The following DDHD1 variants were observed in gnomAD, a reference collection of about 807,000 sequenced individuals.
DDHD1 encodes the protein DDHD domain containing 1.
Under a neutral mutation model 96.4 loss-of-function variants are expected in DDHD1, and 49 were observed. The ratio of observed to expected loss-of-function variants is 0.51; its 90% CI spans 0.40 to 0.64. The LOEUF (loss-of-function observed/expected upper bound fraction) is 0.64, where lower values mean the gene tolerates loss of function less well. Ranked by LOEUF, DDHD1 falls within the 30% of genes least tolerant of loss-of-function variation. The probability of loss-of-function intolerance (pLI) is 0.00; values close to 1 mark genes in which losing one functional copy is unlikely to be tolerated. For synonymous variants in DDHD1, 442 were observed against 446.5 expected, an observed-to-expected ratio of 0.99 and a Z score of 0.13; for missense variants, 1,106 against 1,161.2, an observed-to-expected ratio of 0.95 and a Z score of 0.69.
intron 4 of DDHD1, among the ~76,000 whole-genome samples, chr14:53,088,439 A>T (rs1398343393): frequency 2.0e-5 from 3 of 152,200 alleles, no homozygotes; most frequent in Non-Finnish European, 4.4e-5. Context: ...CTGGCAAACC[A>T]AATCCAGCAG....
At chr14:53,150,133 G>T (rs1338347191) in intron 1 of DDHD1, 1 of 152,220 alleles carries the variant, frequency 6.6e-6, no homozygotes, top group Non-Finnish European at 1.5e-5. Flanking sequence ...ATGTGTCACA[G>T]TGCCTGCAGG....
chr14:53,055,741 G>A lies in DDHD1; in HGVS notation c.2164C>T (p.Pro722Ser), dbSNP rs902956553. The A allele has an allele frequency of 1.2e-6, 2 of 1,613,976 alleles. No homozygotes were observed. The highest frequency in any genetic ancestry group is 2.7e-5 in the African/African-American group (2 of 74,904). ...VSENEGISTI[P>S]SPVTSPVLSR... The stretch of plus-strand genomic sequence containing the variant: ...AAAACTGGTGAGGTCACAGGGCTTG[G>A]TATGGTTGAAATGCCTTCATTCTCT... The change falls in exon 10 of 13, where the codon CCA becomes TCA. Residue 722 changes from proline to serine, a missense_variant. Coordinates refer to ENST00000673822, the MANE Select transcript of DDHD1 (RefSeq NM_001160148.2).
chr14:53,088,628 T>A (rs995556202), intron 4 of DDHD1, among the ~76,000 whole-genome samples: 4 of 152,204 alleles, frequency 2.6e-5, no homozygotes, highest in Non-Finnish European at 4.4e-5. Context: ...CAGCACTTCA[T>A]GCTAAAAACT....
rs1208946029 is a variant in DDHD1 at position 53,040,984 on chromosome 14, A to G, written c.*5784T>C. 6.6e-6 allele frequency: 1 copy of G among 151,906 alleles called. No homozygotes were observed. The highest frequency in any genetic ancestry group is 2.4e-5 in the African/African-American group (1 of 41,342). The allele number at this position is 151,906 out of a possible 1,614,324, so 9.4% of individuals were successfully genotyped here. On this transcript the variant is annotated 3_prime_UTR_variant, in exon 13 of 13. Transcript: ENST00000673822. ...GATTATGGCAGCCTTAGAACCAGAA[A>G]ATGGTTATAATTTTTTGTCATGAAG...
At chr14:53,064,015 T>C (rs1342475879) in intron 6 of DDHD1, among the ~76,000 whole-genome samples, 1 of 152,116 alleles carries the variant, frequency 6.6e-6, no homozygotes, top group Non-Finnish European at 1.5e-5. Context: ...TCTTTCTTCC[T>C]ACACTTTACA....
At chr14:53,053,215 T>C (rs1036649794) in intron 11 of DDHD1, 1 of 152,096 alleles carries the variant, frequency 6.6e-6, no homozygotes, top group African/African-American at 2.4e-5. Context: ...AGAGTTTTCT[T>C]GACATCTGCA....
At chr14:53,103,918 C>T in intron 1 of DDHD1, 62 bp from the exon 2 acceptor site, 1 of 1,441,008 alleles carries the variant, frequency 6.9e-7, no homozygotes, top group African/African-American at 1.4e-5. Context: ...AAAAGAGACA[C>T]AGTATCTACA....
intron 1 of DDHD1, among the ~76,000 whole-genome samples, chr14:53,118,093 A>G (rs989315275): frequency 6.6e-6 from 1 of 152,194 alleles, no homozygotes; most frequent in African/African-American, 2.4e-5. Flanking sequence ...AGGAAAATTA[A>G]CAAACAGAAA....
chr14:53,068,865 A>T (rs941999498), intron 6 of DDHD1, among the ~76,000 whole-genome samples: 2 of 152,144 alleles, frequency 1.3e-5, no homozygotes, highest in Non-Finnish European at 2.9e-5. Flanking sequence ...GTATCCATCG[A>T]TGATTTGTGT....
chr14:53,093,543 A>G, intron 2 of DDHD1, 99 bp from the exon 3 acceptor site: 1 of 1,473,592 alleles, frequency 6.8e-7, no homozygotes, highest in East Asian at 2.4e-5. Context: ...TATGTTATCT[A>G]AAAAACTCAG....
intron 1 of DDHD1, among the ~76,000 whole-genome samples, chr14:53,135,695 C>T (rs764981073): frequency 4.6e-5 from 7 of 152,180 alleles, no homozygotes; most frequent in African/African-American, 1.2e-4. Context: ...GAAATACAGA[C>T]GGTCAAGAAT....
chr14:53,140,753 C>T (rs1890590662), intron 1 of DDHD1, among the ~76,000 whole-genome samples: 1 of 152,044 alleles, frequency 6.6e-6, no homozygotes, highest in African/African-American at 2.4e-5. Flanking sequence ...ATTAATCACA[C>T]TAAATGTAAA....
chr14:53,128,482 A>C (rs1889622740), intron 1 of DDHD1, among the ~76,000 whole-genome samples: 1 of 152,142 alleles, frequency 6.6e-6, no homozygotes, highest in African/African-American at 2.4e-5. Flanking sequence ...GCAGGGTGTT[A>C]ATGCGATTCA....
chr14:53,048,997 A>G (rs1364205987), intron 12 of DDHD1: 1 of 152,190 alleles, frequency 6.6e-6, no homozygotes, highest in African/African-American at 2.4e-5. Flanking sequence ...CTTTAGTTAC[A>G]ATTCTGTTTT....
Position 53,073,856 on chromosome 14 carries a change from ACAAACAAACAAAAATG to A in DDHD1, c.1290-25_1290-10del. 1 of 1,602,644 alleles carries A rather than the reference ACAAACAAACAAAAATG, an allele frequency of 6.2e-7. No individual in the cohort carries two copies. Among genetic ancestry groups the A allele is most frequent in the Non-Finnish European group, 8.5e-7 (1 of 1,173,706 alleles). ...TTGCAGCTTCTCTCATCCTAAAAAA[ACAAACAAACAAAAATG>A]CAAACAAAGCTTTATGAGAATAACT... On this transcript the variant is annotated splice_polypyrimidine_tract_variant and intron_variant, in intron 4 of 12. Transcript: ENST00000673822.
At position 53,041,207 on chromosome 14, in the gene DDHD1, C is replaced by T. The variant is rs529366173; in HGVS notation, c.*5561G>A. ...TGTAATCTTCCTAAAGAATATTCCC[C>T]AACATATCCTGACAACTGTTGGGTG... On this transcript the variant is annotated 3_prime_UTR_variant, in exon 13 of 13. Coordinates refer to ENST00000673822, the MANE Select transcript of DDHD1 (RefSeq NM_001160148.2). 51 of 152,154 alleles carry T rather than the reference C, an allele frequency of 3.4e-4. No individual in the cohort carries two copies. The highest frequency in any genetic ancestry group is 1.2e-3 in the African/African-American group (50 of 41,516). 9.4% of individuals were successfully genotyped at this position (152,154 alleles called of 1,614,324 possible).
chr14:53,133,294 T>TA (rs1890005629), intron 1 of DDHD1, among the ~76,000 whole-genome samples: 1 of 152,198 alleles, frequency 6.6e-6, no homozygotes, highest in Non-Finnish European at 1.5e-5. Flanking sequence ...TTGGTCTGGG[T>TA]AAACACTTTC....
rs895247886 is a variant in DDHD1, at chr14:53,042,120, T to C, written c.*4648A>G. The C allele has an allele frequency of 3.3e-5, 5 of 152,154 alleles. No individual in the cohort carries two copies. Among genetic ancestry groups the C allele is most frequent in the Non-Finnish European group, 7.3e-5 (5 of 68,032 alleles). 9.4% of individuals were successfully genotyped at this position (152,154 alleles called of 1,614,324 possible). A position where few individuals can be genotyped will look rare whatever the true frequency, so the allele number is the denominator to read the frequency against. On this transcript the variant is annotated 3_prime_UTR_variant, in exon 13 of 13. Transcript: ENST00000673822. ...GAAACTGTAAAACGAAGGAATTAAA[T>C]GTGATAGCATTTCTCTAGGTAAATG...
chr14:53,109,333 C>T (rs10130532), intron 1 of DDHD1, among the ~76,000 whole-genome samples: 119,401 of 152,042 alleles, frequency 0.79, 47,879 homozygotes, highest in East Asian at 0.98. Context: ...TGTCTTTGTA[C>T]CTGGCAACGC....
Sources: allele counts gnomAD v4.1 joint callset (sites outside exome capture counted in the v4.1 genomes callset), GRCh38; gene constraint gnomAD v4.1.1; transcripts MANE v1.5; gene names NCBI Gene and HGNC (gene_info 2026-07-23, HGNC 2026-07-21).